ADAM23: variants seen among roughly 807,000 people sequenced by gnomAD.
The protein encoded by ADAM23 is disintegrin and metalloproteinase domain-containing protein 23.
In ADAM23, 33 loss-of-function variants were observed where a neutral mutation model predicts 120.1. The observed-to-expected ratio is 0.27, with a 90% CI of 0.21 to 0.37. ADAM23 has a LOEUF of 0.37. Ranked by LOEUF, ADAM23 falls within the 10% of genes least tolerant of loss-of-function variation. ADAM23 has a pLI of 1.00. For synonymous variants in ADAM23, 367 were observed against 375.2 expected (o/e 0.98, Z 0.25); for missense variants, 862 against 1,058.2 (o/e 0.81, Z 2.57).
intron 25 of ADAM23, among the ~76,000 whole-genome samples, chr2:206,615,749 G>T (rs1698923655): frequency 6.6e-6 from 1 of 152,298 alleles, no homozygotes; most frequent in Non-Finnish European, 1.5e-5. Flanking sequence ...CAATATTTCT[G>T]CAAAAAGGTG....
intron 3 of ADAM23, among the ~76,000 whole-genome samples, chr2:206,522,499 G>C (rs138228414): frequency 1.3e-5 from 2 of 152,136 alleles, no homozygotes; most frequent in Admixed American, 1.3e-4. Context: ...AATGAAAAGA[G>C]TTCTTTTCCT....
intron 3 of ADAM23, among the ~76,000 whole-genome samples, chr2:206,508,219 C>T (rs921002108): frequency 8.6e-5 from 13 of 152,004 alleles, no homozygotes; most frequent in Non-Finnish European, 1.5e-4. Flanking sequence ...TTAGTAGAGA[C>T]GGGGTTTCAC....
At chr2:206,514,633 A>G (rs1304814439) in intron 3 of ADAM23, among the ~76,000 whole-genome samples, 1 of 152,248 alleles carries the variant, frequency 6.6e-6, no homozygotes, top group African/African-American at 2.4e-5. Context: ...GATTGACTCC[A>G]ATTTTGAAAG....
intron 5 of ADAM23, 31 bp downstream of exon 5, chr2:206,542,165 A>T (rs1284197798): frequency 6.3e-6 from 10 of 1,599,092 alleles, no homozygotes; most frequent in Non-Finnish European, 8.6e-6. Flanking sequence ...CATTTTATTC[A>T]TTGACCCTTT....
chr2:206,607,901 C>G, intron 24 of ADAM23: 5 of 404,358 alleles, frequency 1.2e-5, no homozygotes, highest in Admixed American at 7.0e-5. Flanking sequence ...TTAATTTCTC[C>G]TTAGTTTATA....
At chr2:206,490,145 G>A (rs988191159) in intron 3 of ADAM23, among the ~76,000 whole-genome samples, 1 of 152,158 alleles carries the variant, frequency 6.6e-6, no homozygotes, top group African/African-American at 2.4e-5. Flanking sequence ...CTAGTGTGTT[G>A]GAGGAAAGAC....
rs1696849096 is a variant in ADAM23, at chr2:206,521,817, T to C, written c.510-9068T>C. ...CCTTATGAGTGGAACTTGTGGATTA[T>C]AGGGTGAACATGCTTTCAGGGCTTT... On this transcript the variant is annotated intron_variant, in intron 3 of 25. Transcript: ENST00000264377. Among the ~76,000 whole-genome samples, 3 of 152,204 alleles carry C rather than the reference T, an allele frequency of 2.0e-5. No individual in the cohort carries two copies. The South Asian group carries it at 6.2e-4, about 31-fold the overall frequency.
At chr2:206,600,011 C>T (rs1559284203) in intron 24 of ADAM23, among the ~76,000 whole-genome samples, 1 of 152,174 alleles carries the variant, frequency 6.6e-6, no homozygotes, top group Non-Finnish European at 1.5e-5. Context: ...ACCATCCTGG[C>T]TAACACAGTG....
chr2:206,550,558 T>G (rs1697493496), intron 9 of ADAM23, among the ~76,000 whole-genome samples: 1 of 151,932 alleles, frequency 6.6e-6, no homozygotes, highest in South Asian at 2.1e-4. Context: ...ACATATAAAA[T>G]AAAGGTTTAT....
chr2:206,598,384 C>T (rs550372610), intron 24 of ADAM23, among the ~76,000 whole-genome samples: 16 of 151,964 alleles, frequency 1.1e-4, no homozygotes, highest in Non-Finnish European at 2.2e-4. Flanking sequence ...CCACCCATGC[C>T]TAAAAATCTT....
At chr2:206,615,293 A>G (rs1213273875) in intron 25 of ADAM23, among the ~76,000 whole-genome samples, 1 of 152,224 alleles carries the variant, frequency 6.6e-6, no homozygotes, top group Non-Finnish European at 1.5e-5. Context: ...ATAATGATCC[A>G]GAAATACCTT....
At chr2:206,463,380 A>G (rs552610198) in intron 2 of ADAM23, among the ~76,000 whole-genome samples, 4 of 152,274 alleles carry the variant, frequency 2.6e-5, no homozygotes, top group African/African-American at 7.2e-5. Flanking sequence ...GGTGGAAAAG[A>G]TTAGGAAACA....
At chr2:206,528,955 C>A (rs527301219) in intron 3 of ADAM23, among the ~76,000 whole-genome samples, 1 of 152,110 alleles carries the variant, frequency 6.6e-6, no homozygotes, top group East Asian at 1.9e-4. Context: ...TCAGCAAATG[C>A]GAGTTATCAC....
At chr2:206,464,882 A>C (rs944107732) in intron 2 of ADAM23, among the ~76,000 whole-genome samples, 1 of 152,104 alleles carries the variant, frequency 6.6e-6, no homozygotes, top group Non-Finnish European at 1.5e-5. Context: ...ACAGGTCAAT[A>C]GTGCTGAGGT....
intron 2 of ADAM23, among the ~76,000 whole-genome samples, chr2:206,480,472 T>C (rs1218442547): frequency 6.6e-6 from 1 of 151,966 alleles, no homozygotes; most frequent in Non-Finnish European, 1.5e-5. Context: ...TTTTTTTTTT[T>C]TTTTCCTGAT....
intron 3 of ADAM23, among the ~76,000 whole-genome samples, chr2:206,505,316 A>G (rs1354198428): frequency 7.2e-5 from 11 of 152,186 alleles, no homozygotes; most frequent in Non-Finnish European, 1.3e-4. Context: ...ATAGTGTCCA[A>G]AGTGCCTTAT....
chr2:206,610,125 C>A (rs1698800014), intron 25 of ADAM23, 125 bp downstream of exon 25: 2 of 786,008 alleles, frequency 2.5e-6, no homozygotes, highest in African/African-American at 1.8e-5. Flanking sequence ...AAAAATAAGT[C>A]TTTTTATTCA....
chr2:206,539,659 C>T (rs1031247023), intron 4 of ADAM23, among the ~76,000 whole-genome samples: 2 of 152,178 alleles, frequency 1.3e-5, no homozygotes, highest in African/African-American at 4.8e-5. Flanking sequence ...TCATGATTGC[C>T]AGTGCCCTTA....
chr2:206,481,015 TTGTCTTATTAGCTC>T (rs1377743810), intron 2 of ADAM23, among the ~76,000 whole-genome samples: 2 of 152,208 alleles, frequency 1.3e-5, no homozygotes, highest in African/African-American at 4.8e-5. Context: ...CAAGGATGTG[TTGTCTTATTAGCTC>T]TTTGCTACCC....
Sources: allele counts gnomAD v4.1 joint callset (sites outside exome capture counted in the v4.1 genomes callset), GRCh38; gene constraint gnomAD v4.1.1; transcripts MANE v1.5; gene names NCBI Gene and HGNC (gene_info 2026-07-23, HGNC 2026-07-21).